Variants in KCNG3 observed in about 807,000 individuals in gnomAD.
KCNG3 encodes potassium voltage-gated channel modifier subfamily G member 3.
KCNG3 carries 15 observed loss-of-function variants against 29.0 expected under a neutral mutation model. The observed-to-expected ratio is 0.52, with a 90% confidence interval of 0.35 to 0.80. The LOEUF (loss-of-function observed/expected upper bound fraction) is 0.80. Among genes scored for constraint, KCNG3 ranks in the 30% least tolerant of loss-of-function variants. KCNG3 has a pLI of 0.01. For synonymous variants in KCNG3, 322 were observed against 248.9 expected (o/e 1.29, Z -2.76); for missense variants, 512 against 605.7 (o/e 0.85, Z 1.62).
chr2:42,479,371 TAG>T lies in KCNG3; in HGVS notation c.665+13464_665+13465del, dbSNP rs553087040. Among the ~76,000 whole-genome samples the T allele has an allele frequency of 2.2e-3, 328 of 152,250 alleles. No homozygotes were observed. The Middle Eastern group carries it at 0.034, about 16-fold the overall frequency. The stretch of plus-strand genomic sequence containing the variant: ...CATATAAAAGTGGAATAGCCAGGCT[TAG>T]TCACTCACACCTATAATCCCAACAC... On this transcript the variant is annotated intron_variant, in intron 1 of 1. Transcript: ENST00000306078.
the KCNG3 span, among the ~76,000 whole-genome samples, chr2:42,390,833 C>A: frequency 6.6e-6 from 1 of 152,210 alleles, no homozygotes; most frequent in Non-Finnish European, 1.5e-5. Flanking sequence ...CTGTCTGAAA[C>A]CATGATTGAT....
At chr2:42,457,261 G>C (rs2103683137) in intron 1 of KCNG3, among the ~76,000 whole-genome samples, 1 of 151,732 alleles carries the variant, frequency 6.6e-6, no homozygotes, top group East Asian at 1.9e-4. Flanking sequence ...AAGAAAGGCA[G>C]ACTGCTTGAG....
At chr2:42,469,318 G>A (rs1406243473) in intron 1 of KCNG3, among the ~76,000 whole-genome samples, 4 of 151,360 alleles carry the variant, frequency 2.6e-5, no homozygotes, top group East Asian at 1.9e-4. Context: ...TCAGGAGGCC[G>A]AGGCAGAAGA....
chr2:42,411,036 T>G, the KCNG3 span, among the ~76,000 whole-genome samples: 1 of 152,232 alleles, frequency 6.6e-6, no homozygotes, highest in Non-Finnish European at 1.5e-5. Flanking sequence ...TACAATTTAT[T>G]GAGTAGTCTA....
At chr2:42,478,048 G>C (rs1353773066) in intron 1 of KCNG3, among the ~76,000 whole-genome samples, 1 of 152,060 alleles carries the variant, frequency 6.6e-6, no homozygotes, top group Non-Finnish European at 1.5e-5. Context: ...CTTTACCACA[G>C]GCACGTTCTC....
intron 1 of KCNG3, among the ~76,000 whole-genome samples, chr2:42,472,503 A>AT (rs57415782): frequency 0.15 from 21,758 of 144,098 alleles, 1,860 homozygotes; most frequent in African/African-American, 0.24. Context: ...CTTCGACTGC[A>AT]TTTTTTTTTT....
intron 1 of KCNG3, among the ~76,000 whole-genome samples, chr2:42,455,720 G>C (rs2103680626): frequency 6.6e-6 from 1 of 152,162 alleles, no homozygotes; most frequent in East Asian, 1.9e-4. Flanking sequence ...AGTGAACTAT[G>C]ACTGCTCCAT....
At chr2:42,402,136 G>A in the KCNG3 span, among the ~76,000 whole-genome samples, 1 of 152,164 alleles carries the variant, frequency 6.6e-6, no homozygotes, top group Non-Finnish European at 1.5e-5. Context: ...CAAAAGCAGA[G>A]GAAGGGTAAA....
At chr2:42,437,353 T>A (rs1265699631), downstream of KCNG3, among the ~76,000 whole-genome samples, 1 of 152,200 alleles carries the variant, frequency 6.6e-6, no homozygotes, top group Non-Finnish European at 1.5e-5. Context: ...AACTAGAATA[T>A]TTATGTGATT....
At chr2:42,430,066 T>C in the KCNG3 span, among the ~76,000 whole-genome samples, 1 of 152,118 alleles carries the variant, frequency 6.6e-6, no homozygotes, top group African/African-American at 2.4e-5. Context: ...GCAAATTTTA[T>C]TAAGGTAACC....
At chr2:42,425,895 A>C in the KCNG3 span, among the ~76,000 whole-genome samples, 12 of 152,340 alleles carry the variant, frequency 7.9e-5, no homozygotes, top group East Asian at 2.3e-3. Context: ...AAAGGGAAGT[A>C]AGTCCACTAA....
chr2:42,457,670 A>AC (rs1572847566), intron 1 of KCNG3, among the ~76,000 whole-genome samples: 1 of 32,432 alleles, frequency 3.1e-5, no homozygotes, highest in Non-Finnish European at 8.3e-5. Context: ...CACACACACA[A>AC]GGCTGGGCGC....
At chr2:42,462,923 C>T (rs960322595) in intron 1 of KCNG3, among the ~76,000 whole-genome samples, 1 of 152,030 alleles carries the variant, frequency 6.6e-6, no homozygotes, top group Admixed American at 6.6e-5. Context: ...CTACCAAATT[C>T]CCCCCAAGTC....
the KCNG3 span, among the ~76,000 whole-genome samples, chr2:42,408,379 T>C: frequency 1.5e-4 from 23 of 152,142 alleles, no homozygotes; most frequent in African/African-American, 5.1e-4. Context: ...AATGGAGCAA[T>C]TGGTGTGCAC....
At chr2:42,491,763 T>C (rs1254758736) in intron 1 of KCNG3, among the ~76,000 whole-genome samples, 1 of 152,168 alleles carries the variant, frequency 6.6e-6, no homozygotes, top group African/African-American at 2.4e-5. Context: ...AGGAAGAATA[T>C]TATGTAGAAG....
intron 1 of KCNG3, among the ~76,000 whole-genome samples, chr2:42,461,040 A>G (rs1000494446): frequency 1.8e-4 from 27 of 152,016 alleles, no homozygotes; most frequent in Middle Eastern, 3.4e-3. Flanking sequence ...ATGCGTCTGT[A>G]GTCCCAGCTA....
At chr2:42,455,187 G>A (rs1020005656) in intron 1 of KCNG3, among the ~76,000 whole-genome samples, 8 of 151,976 alleles carry the variant, frequency 5.3e-5, no homozygotes, top group Admixed American at 2.0e-4. Context: ...CTGAGATCTC[G>A]CTATGTTGCT....
At chr2:42,414,834 C>G in the KCNG3 span, among the ~76,000 whole-genome samples, 3 of 152,286 alleles carry the variant, frequency 2.0e-5, no homozygotes, top group South Asian at 6.2e-4. Flanking sequence ...ATATGTCCAG[C>G]CTAGAAGTTT....
chr2:42,481,847 C>T (rs1673591917), intron 1 of KCNG3, among the ~76,000 whole-genome samples: 1 of 152,234 alleles, frequency 6.6e-6, no homozygotes, highest in Non-Finnish European at 1.5e-5. Context: ...ATTCAGGCAT[C>T]ACCTATCACA....
Sources: gnomAD v4.1 joint callset for allele counts (sites outside exome capture counted in the v4.1 genomes callset) on GRCh38, gnomAD v4.1.1 for gene constraint, MANE v1.5 for transcripts, NCBI Gene and HGNC (gene_info 2026-07-23, HGNC 2026-07-21) for gene names.